LILRA1: variants seen among roughly 807,000 people sequenced by gnomAD.
LILRA1 encodes leukocyte immunoglobulin like receptor A1.
Under a neutral mutation model 51.6 loss-of-function variants are expected in LILRA1, and 51 were observed. The observed-to-expected ratio is 0.99, with a 90% CI of 0.79 to 1.25. LILRA1 has a LOEUF of 1.25. LILRA1 is among the 50% of genes most tolerant of loss of function. LILRA1 has a pLI of 0.00. For missense variants in LILRA1, 660 were observed against 611.7 expected (o/e 1.08, Z -0.83); for synonymous variants, 305 against 248.4 (o/e 1.23, Z -2.14).
chr19:54,597,914 G>A (rs1051105105), intron 7 of LILRA1, among the ~76,000 whole-genome samples: 1 of 151,432 alleles, frequency 6.6e-6, no homozygotes, highest in African/African-American at 2.4e-5. Context: ...GGGGTGCCCT[G>A]AGCCCAAGCC....
chr19:54,600,750 C>G lies in LILRA1; in HGVS notation c.1403C>G (p.Ala468Gly), dbSNP rs1233626029. 22 of 1,614,034 alleles carry G rather than the reference C, an allele frequency of 1.4e-5. No individual in the cohort carries two copies. Among genetic ancestry groups the G allele is most frequent in the Non-Finnish European group, 1.8e-5 (21 of 1,180,036 alleles). Residue 468 changes from alanine to glycine, a missense_variant, in exon 10 of 10, where the codon GCT becomes GGT. By Grantham distance (60) the Ala-to-Gly change is moderately conservative. Transcript: ENST00000251372. ...TVENLIRMGI[A>G]GLVLVVLGIL... ...GAGAATCTCATCCGCATGGGCATAG[C>G]TGGCTTGGTCCTGGTGGTCCTCGGG...
In LILRA1 at chr19:54,593,661, G is replaced by C. The variant is rs1190800277; in HGVS notation, c.-169G>C. ...TTCTCCTCTGTGCTCACTGCCACAC[G>C]CAGCTCAACCTGAGCTACACAGCCA... On this transcript the variant is annotated 5_prime_UTR_variant, in exon 1 of 10. Coordinates refer to ENST00000251372, the MANE Select transcript of LILRA1 (RefSeq NM_006863.4). The C allele has an allele frequency of 2.3e-6, 1 of 440,650 alleles. No individual in the cohort carries two copies. The allele number at this position is 440,650 out of a possible 1,614,324, so 27.3% of individuals were successfully genotyped here. A position where few individuals can be genotyped will look rare whatever the true frequency, so the allele number is the denominator to read the frequency against.
In LILRA1 at chr19:54,600,540, A is replaced by G. The variant is rs192114591; in HGVS notation, c.1341A>G (p.Gln447=). The G allele has an allele frequency of 6.2e-7, 1 of 1,614,044 alleles. No individual in the cohort carries two copies. The highest frequency in any genetic ancestry group is 2.2e-5 in the East Asian group (1 of 44,872). ...CAGCTAACACCCTCAGCCCATCACA[A>G]AACAAGACTGGTGAGTGAGGAGATG... ...AGAANTLSPS[Q]NKTASHPQDY... The change falls in exon 9 of 10, where the codon CAA becomes CAG. Residue 447 remains glutamine, a synonymous_variant. Transcript: ENST00000251372.
chr19:54,596,900 G>A (rs1169257813), intron 7 of LILRA1, among the ~76,000 whole-genome samples: 1 of 152,024 alleles, frequency 6.6e-6, no homozygotes, highest in East Asian at 1.9e-4. Context: ...TGGAGTGAAG[G>A]GGGAAGGTCT....
At chr19:54,597,651 A>T (rs1302722610) in intron 7 of LILRA1, among the ~76,000 whole-genome samples, 1 of 151,806 alleles carries the variant, frequency 6.6e-6, no homozygotes, top group Admixed American at 6.6e-5. Context: ...GAGGCGGGCG[A>T]GTTGGAAAGA....
chr19:54,596,587 G>T, intron 7 of LILRA1, 96 bp downstream of exon 7: 4 of 1,539,206 alleles, frequency 2.6e-6, no homozygotes, highest in Non-Finnish European at 3.5e-6. Context: ...AGGGGAGTTG[G>T]CTGGGCACGG....
Position 54,594,208 on chromosome 19 carries a change from C to T in LILRA1, c.-37C>T, listed in dbSNP as rs28545324. 0.13 allele frequency: 210,913 copies of T among 1,596,702 alleles called. 19,408 individuals are homozygous for T. The highest frequency in any genetic ancestry group is 0.46 in the African/African-American group (33,742 of 73,454). ...CTCTGTCCTGCCAGCACCGAGGGCT[C>T]ATCCATCCGCAGAGCAGGGCAGTGG... On this transcript the variant is annotated 5_prime_UTR_variant, in exon 2 of 10. Coordinates refer to ENST00000251372, the MANE Select transcript of LILRA1 (RefSeq NM_006863.4).
In LILRA1 at chr19:54,599,572, T is replaced by A. The variant is rs902320426; in HGVS notation, c.1312+286T>A. The A allele has an allele frequency of 6.2e-6, 7 of 1,125,914 alleles. No individual in the cohort carries two copies. In the African/African-American group the frequency reaches 1.2e-4, roughly 19 times the overall value. The allele number at this position is 1,125,914 out of a possible 1,614,324, so 69.7% of individuals were successfully genotyped here. Reference sequence around the variant, plus strand: ...TCTAACTGCTTTTCAATGGATCTCCTCTAATTTACTAATACAATTTGTATA... The same window carrying A: ...TCTAACTGCTTTTCAATGGATCTCCACTAATTTACTAATACAATTTGTATA... On this transcript the variant is annotated intron_variant, in intron 8 of 9. Transcript: ENST00000251372.
rs747265082 is a variant in LILRA1, at chr19:54,595,816, C to A, written c.839C>A (p.Ala280Asp). ...CAGCCCCAGGCTGGGCTCTCCCAGG[C>A]CAACTTCACCCTGGGCCCTGTGAGC... The part of the protein sequence containing the change: ...GPQPQAGLSQ[A>D]NFTLGPVSRS... Residue 280 changes from alanine to aspartate, a missense_variant, in exon 6 of 10, where the codon GCC becomes GAC. Coordinates refer to ENST00000251372, the MANE Select transcript of LILRA1 (RefSeq NM_006863.4). The A allele has an allele frequency of 4.3e-6, 7 of 1,614,212 alleles. No individual in the cohort carries two copies. Among genetic ancestry groups the A allele is most frequent in the Non-Finnish European group, 5.9e-6 (7 of 1,180,016 alleles).
chr19:54,600,598 GTCC>G lies in LILRA1; in HGVS notation c.1351+50_1351+52del, dbSNP rs1370176067. The G allele has an allele frequency of 1.9e-6, 3 of 1,613,154 alleles. 1 individual carries two copies. The Admixed American group carries it at 5.0e-5, about 27-fold the overall frequency. On this transcript the variant is annotated intron_variant, in intron 9 of 9. Transcript: ENST00000251372. ...TTACGGTGCTGGGCACAAGGGTTGGGTCCTGTCAAGGGTAAGGAGGTGCTCTGG... is the reference window on the plus strand; with the variant it reads ...TTACGGTGCTGGGCACAAGGGTTGGGTGTCAAGGGTAAGGAGGTGCTCTGG...
In LILRA1 at chr19:54,596,360, A is replaced by T; in HGVS notation, c.1130A>T (p.Lys377Met). Residue 377 changes from lysine (K) to methionine (M), a missense_variant, in exon 7 of 10, where the codon AAG (lysine) becomes ATG (methionine). Coordinates refer to ENST00000251372, the MANE Select transcript of LILRA1 (RefSeq NM_006863.4). Reference protein sequence around the residue: ...LRLRSIHEYPKYQAEFPMSPV... With the variant: ...LRLRSIHEYPMYQAEFPMSPV... ...CTCAGATCAATACACGAATATCCTA[A>T]GTACCAGGCTGAATTCCCTATGAGT... The T allele has an allele frequency of 6.2e-7, 1 of 1,614,020 alleles. No homozygotes were observed. The highest frequency in any genetic ancestry group is 1.1e-5 in the South Asian group (1 of 91,072).
At chr19:54,596,126 C>G in intron 6 of LILRA1, 63 bp from the exon 7 acceptor site, 1 of 1,570,220 alleles carries the variant, frequency 6.4e-7, no homozygotes, top group Non-Finnish European at 8.6e-7. Context: ...CAGATAGAAG[C>G]CTGGGGAGGC....
rs10417158 is a variant in LILRA1 at position 54,594,930 on chromosome 19, C to T, written c.336C>T (p.Asp112=). 4.3e-6 allele frequency: 7 copies of T among 1,614,004 alleles called. No homozygotes were observed. In the Admixed American group the frequency reaches 5.0e-5, roughly 12 times the overall value. ...CTGCAGGCTGGTCAGAGCCCAGTGA[C>T]CCCCTGGAGCTGGTGGTGACAGGTG... ...SHTAGWSEPS[D]PLELVVTGAY... The change falls in exon 4 of 10, where the codon GAC becomes GAT. Residue 112 remains aspartate, a synonymous_variant. Transcript: ENST00000251372.
chr19:54,595,306 C>T lies in LILRA1; in HGVS notation c.565C>T (p.Pro189Ser), dbSNP rs1234761456. The change falls in exon 5 of 10, where the codon CCG (proline) becomes TCG (serine). Residue 189 changes from proline to serine, a missense_variant. Pro to Ser is a moderately conservative substitution (Grantham distance 74, BLOSUM62 -1). Transcript: ENST00000251372. ...CATCTTCTCTGTGGGCCCCGTGAGC[C>T]CGAGTCGCAGGTGGTCGTACAGGTG... ...RAIFSVGPVS[P>S]SRRWSYRCYA... 3.1e-6 allele frequency: 5 copies of T among 1,614,152 alleles called. No homozygotes were observed. The Admixed American group carries it at 5.0e-5, about 16-fold the overall frequency.
At position 54,596,290 on chromosome 19, in the gene LILRA1, A is replaced by G; in HGVS notation, c.1060A>G (p.Thr354Ala). The change falls in exon 7 of 10, where the codon ACT (threonine) becomes GCT (alanine). Residue 354 changes from threonine to alanine, a missense_variant. Physicochemically the swap from Thr to Ala is moderately conservative, Grantham distance 58. Coordinates refer to ENST00000251372, the MANE Select transcript of LILRA1 (RefSeq NM_006863.4). ...GTGTCAGTCATGGGGGCCGTTCCAC[A>G]CTTTCCTTCTGACCAAGGCGGGAGC... ...LLCQSWGPFH[T>A]FLLTKAGAAD... is the part of the protein sequence containing the mutation. The G allele has an allele frequency of 6.2e-7, 1 of 1,614,006 alleles. No homozygotes were observed. Among genetic ancestry groups the G allele is most frequent in the Middle Eastern group, 1.6e-4 (1 of 6,062 alleles).
rs771297159 is a variant in LILRA1, at chr19:54,594,961, A to G, written c.358+9A>G. The G allele has an allele frequency of 2.5e-6, 4 of 1,613,544 alleles. No homozygotes were observed. Among genetic ancestry groups the G allele is most frequent in the Non-Finnish European group, 3.4e-6 (4 of 1,179,702 alleles). The stretch of plus-strand genomic sequence containing the variant: ...GGAGCTGGTGGTGACAGGTGAGCTG[A>G]CACTGAGGGCTCCCAGCCCCAGGCT... On this transcript the variant is annotated intron_variant, in intron 4 of 9. Coordinates refer to ENST00000251372, the MANE Select transcript of LILRA1 (RefSeq NM_006863.4).
chr19:54,599,554 G>T, intron 8 of LILRA1: 1 of 1,146,110 alleles, frequency 8.7e-7, no homozygotes, highest in Non-Finnish European at 1.1e-6. Flanking sequence ...TGTTCTAACT[G>T]CTTTTCAATG....
intron 1 of LILRA1, 124 bp downstream of exon 1, chr19:54,593,905 C>A: frequency 1.7e-6 from 1 of 583,346 alleles, no homozygotes; most frequent in Admixed American, 2.3e-5. Flanking sequence ...GCAGAAAGCA[C>A]CAGTTCTATT....
At chr19:54,596,065 T>A (rs534086317) in intron 6 of LILRA1, 124 bp from the exon 7 acceptor site, 28 of 397,614 alleles carry the variant, frequency 7.0e-5, no homozygotes, top group South Asian at 6.5e-4. Context: ...AGACAGGGGA[T>A]GGGCGGGGCG....
Sources: allele counts gnomAD v4.1 joint callset (sites outside exome capture counted in the v4.1 genomes callset), GRCh38; gene constraint gnomAD v4.1.1; transcripts MANE v1.5; gene names NCBI Gene and HGNC (gene_info 2026-07-23, HGNC 2026-07-21).